The following STAG2 variants were observed in gnomAD, a reference collection of about 807,000 sequenced individuals.
The protein encoded by STAG2 is STAG2 cohesin complex component, also known as cohesin subunit SA-2.
A neutral mutation model predicts 108.1 loss-of-function variants in STAG2; 14 were observed. The ratio of observed to expected loss-of-function variants is 0.13; its 90% CI spans 0.09 to 0.20. The LOEUF (loss-of-function observed/expected upper bound fraction) is 0.20. Ranked by LOEUF, STAG2 falls within the 10% of genes least tolerant of loss-of-function variation. STAG2 has a pLI of 1.00. For synonymous variants in STAG2, 307 were observed against 302.7 expected, an observed-to-expected ratio of 1.01 and a Z score of -0.15; for missense variants, 440 against 940.9, an observed-to-expected ratio of 0.47 and a Z score of 6.96.
rs183027553 is a variant in STAG2 at position 124,048,926 on chromosome X, T to C, written c.820-79T>C. 1.4e-3 allele frequency: 1,155 copies of C among 799,176 alleles called. 15 individuals carry two copies. In the African/African-American group the frequency reaches 0.022, roughly 15 times the overall value. The allele number at this position is 799,176 out of a possible 1,213,427, so 65.9% of individuals were successfully genotyped here. ...AAAATACTGGGGAATTCTGCTTTTT[T>C]TGTGCTTGTAACAACTTACAGGTGT... On this transcript the variant is annotated intron_variant, in intron 9 of 34. Coordinates refer to ENST00000371145, the MANE Select transcript of STAG2 (RefSeq NM_001042750.2).
At chrX:124,034,013 C>T (rs1176254999) in intron 5 of STAG2, among the ~76,000 whole-genome samples, 6 of 111,360 alleles carry the variant, frequency 5.4e-5, no homozygotes, top group African/African-American at 1.6e-4. Context: ...AATACCATAA[C>T]ATTGACTACA....
At position 124,066,239 on chromosome X, in the gene STAG2, G is replaced by A. The variant is rs1477970164; in HGVS notation, c.2161G>A (p.Glu721Lys). Residue 721 changes from glutamate to lysine, a missense_variant, in exon 22 of 35, where the codon GAA becomes AAA. Glu to Lys is a moderately conservative substitution (Grantham distance 56). Around this residue, in one of 3 missense-constraint regions of STAG2, gnomAD observed 337 missense variants for 649.3 expected, o/e 0.52. Coordinates refer to ENST00000371145, the MANE Select transcript of STAG2 (RefSeq NM_001042750.2). ...TTACAAACTCTTGAAAACTGGAATC[G>A]AAAATGGAGACATGCCTGAGCAGGT... ...CNYKLLKTGI[E>K]NGDMPEQIVI... 3 of 1,176,135 alleles carry A rather than the reference G, an allele frequency of 2.6e-6. No homozygotes were observed. The highest frequency in any genetic ancestry group is 3.4e-6 in the Non-Finnish European group (3 of 878,714).
chrX:124,086,481 C>A, intron 29 of STAG2, 66 bp from the exon 30 acceptor site: 1 of 902,540 alleles, frequency 1.1e-6, no homozygotes, highest in Non-Finnish European at 1.6e-6. Context: ...TATGCTCGCA[C>A]AACTATGAGT....
chrX:124,052,062 GTC>G lies in STAG2; in HGVS notation c.1196+670_1196+671del, dbSNP rs772457806. 6.1e-3 allele frequency among the ~76,000 whole-genome samples: 686 copies of G among 112,239 alleles called. 8 individuals carry two copies. Among genetic ancestry groups the G allele is most frequent in the African/African-American group, 0.021 (654 of 30,940 alleles). On this transcript the variant is annotated intron_variant, in intron 13 of 34. Transcript: ENST00000371145. ...TTAGAGTATGAGCATTTATAAGAAT[GTC>G]TGTTATACTTCTCATAGCACCTTTA...
chrX:124,092,960 T>A (rs1453859568), intron 32 of STAG2, among the ~76,000 whole-genome samples: 1 of 111,654 alleles, frequency 9.0e-6, no homozygotes, highest in African/African-American at 3.3e-5. Flanking sequence ...CTTGTTATCT[T>A]TATATCTTTT....
At chrX:123,962,106 G>C (rs1303470599) in intron 1 of STAG2, 2 of 111,067 alleles carry the variant, frequency 1.8e-5, no homozygotes, top group Non-Finnish European at 3.8e-5. Flanking sequence ...CCTTGCCCCA[G>C]GTAGGCAGCC....
intron 5 of STAG2, among the ~76,000 whole-genome samples, chrX:124,037,155 G>C (rs946948600): frequency 3.6e-5 from 4 of 111,283 alleles, no homozygotes; most frequent in African/African-American, 1.3e-4. Flanking sequence ...CAAAGTTCTG[G>C]GATTATAGAC....
intron 1 of STAG2, among the ~76,000 whole-genome samples, chrX:123,978,986 T>C (rs1220954971): frequency 8.9e-6 from 1 of 111,735 alleles, no homozygotes; most frequent in African/African-American, 3.3e-5. Context: ...TTCCATTTAT[T>C]GAGTACATTC....
At chrX:123,997,426 A>T (rs1018484821) in intron 1 of STAG2, among the ~76,000 whole-genome samples, 1 of 111,777 alleles carries the variant, frequency 8.9e-6, no homozygotes, top group Non-Finnish European at 1.9e-5. Flanking sequence ...AAATTTTCCC[A>T]AACTGAAACT....
At chrX:124,093,982 T>C in intron 32 of STAG2, 36 bp from the exon 33 acceptor site, 1 of 1,204,346 alleles carries the variant, frequency 8.3e-7, no homozygotes, top group Non-Finnish European at 1.1e-6. Flanking sequence ...GTCACGACAT[T>C]AGTTCAGATC....
chrX:124,012,810 T>C (rs763935662), intron 1 of STAG2, among the ~76,000 whole-genome samples: 6 of 112,256 alleles, frequency 5.3e-5, no homozygotes, highest in African/African-American at 6.5e-5. Context: ...ATCTACTGAA[T>C]TGTTTTTTGG....
At chrX:123,987,543 C>T (rs2055255166) in intron 1 of STAG2, among the ~76,000 whole-genome samples, 3 of 112,061 alleles carry the variant, frequency 2.7e-5, no homozygotes. Flanking sequence ...CCACCATGCC[C>T]GGCCTTTAAA....
intron 6 of STAG2, 39 bp downstream of exon 6, chrX:124,037,662 A>G (rs1216745133): frequency 1.1e-6 from 1 of 930,673 alleles, no homozygotes; most frequent in South Asian, 2.3e-5. Context: ...GCTCTCAAAT[A>G]GTCACTTCGT....
chrX:123,963,694 TC>T, intron 1 of STAG2, among the ~76,000 whole-genome samples: 1 of 110,999 alleles, frequency 9.0e-6, no homozygotes. Flanking sequence ...TCATCACATT[TC>T]CCTATTTGTC....
intron 1 of STAG2, among the ~76,000 whole-genome samples, chrX:124,011,170 C>A (rs757185995): frequency 1.3e-4 from 15 of 111,122 alleles, no homozygotes; most frequent in Non-Finnish European, 2.1e-4. Context: ...TTCTTAATTT[C>A]CTTTTTGGAT....
intron 5 of STAG2, among the ~76,000 whole-genome samples, chrX:124,036,447 C>T (rs757357922): frequency 2.7e-5 from 3 of 111,782 alleles, no homozygotes; most frequent in South Asian, 3.7e-4. Flanking sequence ...TGCAGTGGTG[C>T]GACCTCAGCT....
intron 10 of STAG2, among the ~76,000 whole-genome samples, chrX:124,049,455 AT>A (rs1377003400): frequency 8.9e-6 from 1 of 112,156 alleles, no homozygotes; most frequent in African/African-American, 3.2e-5. Context: ...AAAGTGAGAT[AT>A]TTTCTTTTGC....
intron 1 of STAG2, among the ~76,000 whole-genome samples, chrX:123,973,670 C>T (rs1402892244): frequency 9.2e-6 from 1 of 108,957 alleles, no homozygotes; most frequent in Non-Finnish European, 1.9e-5. Flanking sequence ...TGTGGAGAAA[C>T]CCCATCTCTA....
chrX:124,026,735 C>T (rs1042559559), intron 4 of STAG2: 5 of 148,064 alleles, frequency 3.4e-5, no homozygotes, highest in Admixed American at 8.0e-5. Context: ...TATTCATACA[C>T]CTATGTATAA....
Sources: gnomAD v4.1 joint callset for allele counts (sites outside exome capture counted in the v4.1 genomes callset) on GRCh38, gnomAD v4.1.1 for gene constraint, gnomAD v4.1.1 regional missense constraint, MANE v1.5 for transcripts, NCBI Gene and HGNC (gene_info 2026-07-23, HGNC 2026-07-21) for gene names.